Variants in SORL1 observed in about 807,000 individuals in gnomAD.
SORL1 encodes the protein sortilin-related receptor.
Under a neutral mutation model 273.7 loss-of-function variants are expected in SORL1, and 127 were observed. The ratio of observed to expected loss-of-function variants is 0.46; its 90% CI spans 0.40 to 0.54. The LOEUF (loss-of-function observed/expected upper bound fraction) is 0.54. Ranked by LOEUF, SORL1 falls within the 20% of genes least tolerant of loss-of-function variation. SORL1 has a pLI of 0.00. For missense variants in SORL1, 2,494 were observed against 2,846.1 expected, an observed-to-expected ratio of 0.88 and a Z score of 2.81; for synonymous variants, 1,031 against 1,067.4, an observed-to-expected ratio of 0.97 and a Z score of 0.66.
At chr11:121,519,919 T>A (rs1281100219) in intron 8 of SORL1, among the ~76,000 whole-genome samples, 1 of 152,184 alleles carries the variant, frequency 6.6e-6, no homozygotes, top group Non-Finnish European at 1.5e-5. Context: ...ACAAGCCTTT[T>A]GACCCTAAAA....
intron 37 of SORL1, 61 bp from the exon 38 acceptor site, chr11:121,608,043 A>T: frequency 6.9e-7 from 1 of 1,442,176 alleles, no homozygotes; most frequent in Non-Finnish European, 9.7e-7. Context: ...CAGTATTCTT[A>T]CTGTATGGTG....
chr11:121,562,571 A>G (rs1862692905), intron 21 of SORL1, among the ~76,000 whole-genome samples: 1 of 152,196 alleles, frequency 6.6e-6, no homozygotes, highest in Non-Finnish European at 1.5e-5. Context: ...CTGCCGGCTC[A>G]TTAGTCCCTT....
Position 121,590,304 on chromosome 11 carries a change from A to C in SORL1, c.4213+130A>C, listed in dbSNP as rs1863190459. On this transcript the variant is annotated intron_variant, in intron 30 of 47. Coordinates refer to ENST00000260197, the MANE Select transcript of SORL1 (RefSeq NM_003105.6). Reference sequence around the variant, plus strand: ...ATATTTTTGTGAGAGGAGTGACTCAAATTTTTTCTGTTCCTCTTTCTCATT... The same window carrying C: ...ATATTTTTGTGAGAGGAGTGACTCACATTTTTTCTGTTCCTCTTTCTCATT... 4.6e-6 allele frequency: 4 copies of C among 864,704 alleles called. No homozygotes were observed. In the East Asian group the frequency reaches 1.0e-4, roughly 22 times the overall value. 53.6% of individuals were successfully genotyped at this position (864,704 alleles called of 1,614,324 possible).
chr11:121,497,927 C>T (rs1304589202), intron 6 of SORL1, among the ~76,000 whole-genome samples: 1 of 152,126 alleles, frequency 6.6e-6, no homozygotes, highest in Non-Finnish European at 1.5e-5. Flanking sequence ...TCATTTACTT[C>T]TATAATTGGT....
intron 25 of SORL1, among the ~76,000 whole-genome samples, chr11:121,578,183 T>C (rs1351814666): frequency 6.6e-6 from 1 of 152,222 alleles, no homozygotes; most frequent in Non-Finnish European, 1.5e-5. Context: ...TTCAGTTCTG[T>C]CTTGAACCCC....
chr11:121,628,573 G>A (rs980136677), intron 47 of SORL1, among the ~76,000 whole-genome samples: 1 of 152,126 alleles, frequency 6.6e-6, no homozygotes, highest in Non-Finnish European at 1.5e-5. Context: ...GATGGCCCTC[G>A]GCCCGGGCAT....
chr11:121,472,562 C>T (rs1861187393), intron 2 of SORL1, among the ~76,000 whole-genome samples: 1 of 152,204 alleles, frequency 6.6e-6, no homozygotes, highest in African/African-American at 2.4e-5. Flanking sequence ...TCCTGGGATC[C>T]TCCCTTAATT....
intron 31 of SORL1, among the ~76,000 whole-genome samples, chr11:121,594,519 T>C (rs1863265450): frequency 6.6e-6 from 1 of 152,122 alleles, no homozygotes. Context: ...TTTGTTGTCA[T>C]GGTTTTAACT....
chr11:121,506,295 G>A (rs1015300531), intron 6 of SORL1, among the ~76,000 whole-genome samples: 1 of 151,984 alleles, frequency 6.6e-6, no homozygotes, highest in African/African-American at 2.4e-5. Flanking sequence ...TGGTGTATTA[G>A]TCCGTTTTCA....
intron 3 of SORL1, among the ~76,000 whole-genome samples, chr11:121,486,481 T>A (rs1861473731): frequency 7.2e-6 from 1 of 138,540 alleles, no homozygotes; most frequent in Non-Finnish European, 1.6e-5. Context: ...TCTTTCTTTC[T>A]TTTTTTTTTT....
intron 6 of SORL1, among the ~76,000 whole-genome samples, chr11:121,507,439 T>C (rs1247884996): frequency 6.6e-6 from 1 of 152,168 alleles, no homozygotes; most frequent in Non-Finnish European, 1.5e-5. Context: ...CCTGGGTCTT[T>C]TAGGCTGTTT....
Position 121,563,780 on chromosome 11 carries a change from G to A in SORL1, c.3050-3160G>A, listed in dbSNP as rs1297605630. Among the ~76,000 whole-genome samples, 1 of 152,202 alleles carries A rather than the reference G, an allele frequency of 6.6e-6. No homozygotes were observed. The highest frequency in any genetic ancestry group is 2.4e-5 in the African/African-American group (1 of 41,448). ...TTTAAAGAGGTTACTTTACAAGATT[G>A]TTGATGTATTCAGTTGCTCCTGCGA... On this transcript the variant is annotated intron_variant, in intron 21 of 47. Transcript: ENST00000260197. The surrounding 1 kb of genome is among the most constrained non-coding windows in gnomAD (Gnocchi z 4.2).
Position 121,452,734 on chromosome 11 carries a change from C to A in SORL1, c.285+118C>A. 1.1e-6 allele frequency: 1 copy of A among 908,726 alleles called. No individual in the cohort carries two copies. Among genetic ancestry groups the A allele is most frequent in the Non-Finnish European group, 1.5e-6 (1 of 654,960 alleles). The allele number at this position is 908,726 out of a possible 1,614,324, so 56.3% of individuals were successfully genotyped here. A position where few individuals can be genotyped will look rare whatever the true frequency, so the allele number is the denominator to read the frequency against. On this transcript the variant is annotated intron_variant, in intron 1 of 47. Transcript: ENST00000260197. The surrounding 1 kb of genome is among the most constrained non-coding windows in gnomAD (Gnocchi z 5.3). Reference sequence around the variant, plus strand: ...GCAGGCACCACTGGGGACTTCCCGGCTTGCATTTGTTTTTTTCCTTCACGA... The same window carrying A: ...GCAGGCACCACTGGGGACTTCCCGGATTGCATTTGTTTTTTTCCTTCACGA...
chr11:121,500,505 C>A (rs1387503606), intron 6 of SORL1, among the ~76,000 whole-genome samples: 1 of 152,192 alleles, frequency 6.6e-6, no homozygotes, highest in Non-Finnish European at 1.5e-5. Context: ...TGGGACACAG[C>A]CATGCTCATT....
chr11:121,498,260 G>T (rs890708345), intron 6 of SORL1, among the ~76,000 whole-genome samples: 1 of 152,174 alleles, frequency 6.6e-6, no homozygotes, highest in Non-Finnish European at 1.5e-5. Flanking sequence ...TCCTCGAATG[G>T]CTTTGGGCAG....
intron 28 of SORL1, 57 bp downstream of exon 28, chr11:121,588,208 GT>G (rs1863151062): frequency 6.3e-7 from 1 of 1,598,288 alleles, no homozygotes; most frequent in African/African-American, 1.3e-5. Flanking sequence ...TTGCATGGGG[GT>G]TTGGCCACCC....
chr11:121,580,270 G>A (rs548210872), intron 25 of SORL1, among the ~76,000 whole-genome samples: 42 of 152,268 alleles, frequency 2.8e-4, no homozygotes, highest in South Asian at 1.2e-3. Flanking sequence ...TAAGCCATTC[G>A]TTGGACTGCC....
rs1862055864 is a variant in SORL1 at position 121,522,568 on chromosome 11, G to A, written c.1405-18G>A. On this transcript the variant is annotated intron_variant, in intron 9 of 47. Transcript: ENST00000260197. ...ATGGTATCATGTGCTGACACTGCCTGAAACTTTGGTTGTATAGCTTTCCCA... is the reference window on the plus strand; with the variant it reads ...ATGGTATCATGTGCTGACACTGCCTAAAACTTTGGTTGTATAGCTTTCCCA... 1 of 1,591,590 alleles carries A rather than the reference G, an allele frequency of 6.3e-7. No individual in the cohort carries two copies. Among genetic ancestry groups the A allele is most frequent in the Non-Finnish European group, 8.6e-7 (1 of 1,159,742 alleles).
Position 121,595,801 on chromosome 11 carries a change from T to A in SORL1, c.4519+29T>A. 1.2e-6 allele frequency: 2 copies of A among 1,605,618 alleles called. No individual in the cohort carries two copies. Among genetic ancestry groups the A allele is most frequent in the Non-Finnish European group, 1.7e-6 (2 of 1,178,746 alleles). On this transcript the variant is annotated intron_variant, in intron 32 of 47. Transcript: ENST00000260197. This position sits in a 1 kb window ranked among gnomAD's most constrained non-coding sequence, Gnocchi z 5.1. ...AGTAGTCAGAGAGCCCTTCACCCCC[T>A]GGGCACGTTTCTGCAGAGAGCACAG... is the stretch of plus-strand genomic sequence containing the variant.
Sources: gnomAD v4.1 joint callset for allele counts (sites outside exome capture counted in the v4.1 genomes callset) on GRCh38, gnomAD v4.1.1 for gene constraint, Gnocchi (gnomAD v3.1) non-coding constraint, MANE v1.5 for transcripts, NCBI Gene and HGNC (gene_info 2026-07-23, HGNC 2026-07-21) for gene names.